SDK1: variants seen among roughly 807,000 people sequenced by gnomAD.
The protein encoded by SDK1 is sidekick cell adhesion molecule 1, also known as protein sidekick-1.
SDK1 carries 157 observed loss-of-function variants against 245.5 expected under a neutral mutation model. The observed-to-expected ratio is 0.64, with a 90% CI of 0.56 to 0.73. The LOEUF (loss-of-function observed/expected upper bound fraction) is 0.73. Ranked by LOEUF, SDK1 falls within the 30% of genes least tolerant of loss-of-function variation. The pLI, the probability that SDK1 is intolerant of heterozygous loss-of-function variation, is 0.00. For missense variants in SDK1, 3,583 were observed against 3,002.3 expected (o/e 1.19, Z -4.52); for synonymous variants, 1,647 against 1,278.5 (o/e 1.29, Z -6.15).
intron 35 of SDK1, among the ~76,000 whole-genome samples, chr7:4,179,880 C>T (rs1442535417): frequency 1.1e-4 from 17 of 151,720 alleles, no homozygotes; most frequent in Non-Finnish European, 2.5e-4. Flanking sequence ...CCTGTGGCAT[C>T]GGGGGAGCAC....
chr7:3,319,887 T>TTTTTTTTTTTTTTTTTTTTTC, intron 1 of SDK1, among the ~76,000 whole-genome samples: 1 of 145,618 alleles, frequency 6.9e-6, no homozygotes, highest in Non-Finnish European at 1.5e-5. Flanking sequence ...TCTTTTTTTT[T>TTTTTTTTTTTTTTTTTTTTTC]TTTTTTTTGC....
chr7:3,981,072 G>A (rs1427900452), intron 13 of SDK1, among the ~76,000 whole-genome samples: 10 of 152,188 alleles, frequency 6.6e-5, no homozygotes, highest in Non-Finnish European at 1.0e-4. Flanking sequence ...GCAACCCTGT[G>A]TTAAGTAAGT....
intron 1 of SDK1, among the ~76,000 whole-genome samples, chr7:3,444,836 G>A (rs901551604): frequency 6.6e-6 from 1 of 152,160 alleles, no homozygotes; most frequent in African/African-American, 2.4e-5. Flanking sequence ...ATCCCCTTTA[G>A]AGCCCTACCT....
At chr7:4,013,282 C>T (rs917467486) in intron 16 of SDK1, among the ~76,000 whole-genome samples, 7 of 152,202 alleles carry the variant, frequency 4.6e-5, no homozygotes, top group Non-Finnish European at 7.3e-5. Context: ...TTGCACTGAA[C>T]GCGATCATTG....
chr7:4,233,403 C>T lies in SDK1; in HGVS notation c.5976C>T (p.Pro1992=), dbSNP rs747944197. The change falls in exon 41 of 45, where the codon CCC becomes CCT. Residue 1992 remains proline (P), a synonymous_variant. Coordinates refer to ENST00000404826, the MANE Select transcript of SDK1 (RefSeq NM_152744.4). ...CGGGCTACGGGGAGCCCAGCAACCC[C>T]TCCACGGCTGTGTCAGGTAGGCCCT... is the stretch of plus-strand genomic sequence containing the variant. ...NEAGYGEPSN[P]STAVSAQVEA... is the part of the protein sequence containing the mutation. 2.5e-6 allele frequency: 4 copies of T among 1,612,730 alleles called. No individual in the cohort carries two copies. The highest frequency in any genetic ancestry group is 2.2e-5 in the East Asian group (1 of 44,868).
intron 1 of SDK1, among the ~76,000 whole-genome samples, chr7:3,364,808 GA>G: frequency 6.6e-6 from 1 of 152,012 alleles, no homozygotes; most frequent in Non-Finnish European, 1.5e-5. Context: ...TCTGTATCTA[GA>G]AAAAAATCTT....
chr7:3,338,620 A>G (rs190453502), intron 1 of SDK1: 186 of 166,696 alleles, frequency 1.1e-3, no homozygotes, highest in African/African-American at 6.3e-3. Flanking sequence ...AAAAACAAAC[A>G]AACAAACAAA....
Position 4,074,878 on chromosome 7 carries a change from C to G in SDK1, c.3011-2120C>G, listed in dbSNP as rs1189708410. Reference sequence around the variant, plus strand: ...ACTTTCTCTCTCTCTCTCTCTCTCTCTCTCTCTGTATATATATATATATAT... The same window carrying G: ...ACTTTCTCTCTCTCTCTCTCTCTCTGTCTCTCTGTATATATATATATATAT... On this transcript the variant is annotated intron_variant, in intron 20 of 44. Coordinates refer to ENST00000404826, the MANE Select transcript of SDK1 (RefSeq NM_152744.4). Among the ~76,000 whole-genome samples the G allele has an allele frequency of 3.6e-3, 333 of 91,402 alleles. 9 individuals carry two copies. The highest frequency in any genetic ancestry group is 0.02 in the African/African-American group (284 of 14,020). The allele number at this position is 91,402 out of a possible 152,430, so 60.0% of individuals were successfully genotyped here. A position where few individuals can be genotyped will look rare whatever the true frequency, so the allele number is the denominator to read the frequency against.
chr7:3,739,659 C>T lies in SDK1; in HGVS notation c.714-81791C>T, dbSNP rs146945953. ...CATCTTTTAATATTGTTTGTTGAGA[C>T]GTAGTTCTCATACTTTAATTCTTTA... On this transcript the variant is annotated intron_variant, in intron 4 of 44. Coordinates refer to ENST00000404826, the MANE Select transcript of SDK1 (RefSeq NM_152744.4). Among the ~76,000 whole-genome samples the T allele has an allele frequency of 2.5e-3, 380 of 152,106 alleles. 3 individuals carry two copies. The highest frequency in any genetic ancestry group is 0.014 in the Middle Eastern group (4 of 294).
chr7:4,072,113 T>C (rs1780292238), intron 20 of SDK1, among the ~76,000 whole-genome samples: 1 of 152,216 alleles, frequency 6.6e-6, no homozygotes, highest in Non-Finnish European at 1.5e-5. Context: ...CATGAACTCA[T>C]TTTCATGTTT....
chr7:3,669,617 T>C (rs1300465155), intron 4 of SDK1, among the ~76,000 whole-genome samples: 1 of 152,174 alleles, frequency 6.6e-6, no homozygotes, highest in East Asian at 1.9e-4. Flanking sequence ...AAACCTTGGA[T>C]TTCCTCAATC....
chr7:4,049,686 G>T (rs1478889474), intron 18 of SDK1, among the ~76,000 whole-genome samples: 1 of 152,198 alleles, frequency 6.6e-6, no homozygotes, highest in Admixed American at 6.5e-5. Flanking sequence ...ATACATCAGT[G>T]AGCAATTTCT....
rs753544424 is a variant in SDK1 at position 3,577,250 on chromosome 7, T to C, written c.299-41830T>C. Among the ~76,000 whole-genome samples, 10 of 152,088 alleles carry C rather than the reference T, an allele frequency of 6.6e-5. 1 individual carries two copies. Among genetic ancestry groups the C allele is most frequent in the Non-Finnish European group, 1.3e-4 (9 of 67,986 alleles). Reference sequence around the variant, plus strand: ...CACTACTCTACAAATCATCACATGGTCCCAGTAACAATGAGAATAGCTAAT... The same window carrying C: ...CACTACTCTACAAATCATCACATGGCCCCAGTAACAATGAGAATAGCTAAT... On this transcript the variant is annotated intron_variant, in intron 1 of 44. Coordinates refer to ENST00000404826, the MANE Select transcript of SDK1 (RefSeq NM_152744.4).
chr7:4,038,340 G>T (rs556584719), intron 17 of SDK1, among the ~76,000 whole-genome samples: 1 of 152,062 alleles, frequency 6.6e-6, no homozygotes, highest in East Asian at 1.9e-4. Context: ...AACTCTTCAC[G>T]CCCAGAGTCT....
At chr7:3,600,674 A>G (rs941933993) in intron 1 of SDK1, among the ~76,000 whole-genome samples, 2 of 146,184 alleles carry the variant, frequency 1.4e-5, no homozygotes, top group South Asian at 2.2e-4. Flanking sequence ...TCAGCCTCCC[A>G]TGTAGCTGGG....
rs1007746684 is a variant in SDK1, at chr7:4,229,883, G to C, written c.5828-3372G>C. 2.8e-4 allele frequency among the ~76,000 whole-genome samples: 43 copies of C among 151,930 alleles called. 1 individual carries two copies. Among genetic ancestry groups the C allele is most frequent in the Admixed American group, 2.6e-3 (40 of 15,234 alleles). On this transcript the variant is annotated intron_variant, in intron 40 of 44. Transcript: ENST00000404826. Reference sequence around the variant, plus strand: ...GTAAGCAGTAAATAAAATAGTGGTGGTTATTATTTATTGAAAGCCTGCTGT... The same window carrying C: ...GTAAGCAGTAAATAAAATAGTGGTGCTTATTATTTATTGAAAGCCTGCTGT...
At chr7:3,489,841 T>TA (rs964837445) in intron 1 of SDK1, among the ~76,000 whole-genome samples, 2 of 152,244 alleles carry the variant, frequency 1.3e-5, no homozygotes, top group African/African-American at 2.4e-5. Flanking sequence ...AACTAATTAC[T>TA]ATTTCAAGTT....
At chr7:3,855,971 A>G (rs1015546562) in intron 5 of SDK1, among the ~76,000 whole-genome samples, 1 of 152,250 alleles carries the variant, frequency 6.6e-6, no homozygotes, top group African/African-American at 2.4e-5. Flanking sequence ...AAAGCTGCAT[A>G]AAAATGAATA....
At position 3,687,402 on chromosome 7, in the gene SDK1, C is replaced by G. The variant is rs537589749; in HGVS notation, c.713+45297C>G. Among the ~76,000 whole-genome samples the G allele has an allele frequency of 3.3e-5, 5 of 152,290 alleles. 1 individual carries two copies. The East Asian group carries it at 9.7e-4, about 29-fold the overall frequency. ...TCAGCCTCCCAAAGTGCTGGGATTA[C>G]AGGCGTGAGCCACCCCGCCCAGCCC... On this transcript the variant is annotated intron_variant, in intron 4 of 44. Transcript: ENST00000404826.
Sources: gnomAD v4.1 joint callset for allele counts (sites outside exome capture counted in the v4.1 genomes callset) on GRCh38, gnomAD v4.1.1 for gene constraint, MANE v1.5 for transcripts, NCBI Gene and HGNC (gene_info 2026-07-23, HGNC 2026-07-21) for gene names.